FBN2: variants seen among roughly 807,000 people sequenced by gnomAD.
FBN2 encodes fibrillin-2.
Under a neutral mutation model 355.6 loss-of-function variants are expected in FBN2, and 105 were observed. That is an observed-to-expected ratio of 0.30 (90% confidence interval 0.25 to 0.35). The LOEUF (loss-of-function observed/expected upper bound fraction) is 0.35. Ranked by LOEUF, FBN2 falls within the 10% of genes least tolerant of loss-of-function variation. The pLI, the probability that FBN2 is intolerant of heterozygous loss-of-function variation, is 1.00. For synonymous variants in FBN2, 1,350 were observed against 1,301.2 expected (o/e 1.04, Z -0.81); for missense variants, 3,280 against 3,758.7 (o/e 0.87, Z 3.33).
chr5:128,394,265 TG>T (rs1247881322), intron 9 of FBN2, among the ~76,000 whole-genome samples: 5 of 152,206 alleles, frequency 3.3e-5, no homozygotes, highest in Non-Finnish European at 5.9e-5. Context: ...TATATCTTTA[TG>T]TGAGAAACAT....
At chr5:128,458,073 C>T (rs1486173824) in intron 6 of FBN2, among the ~76,000 whole-genome samples, 3 of 152,018 alleles carry the variant, frequency 2.0e-5, no homozygotes, top group Non-Finnish European at 2.9e-5. Flanking sequence ...TAAGGAAACC[C>T]GTCTTACATG....
chr5:128,283,484 C>T lies in FBN2; in HGVS notation c.7013-3167G>A, dbSNP rs76116247. ...CCACTTTAGTTCTCAGGACATCACA[C>T]GGACATGGAGAACTTCCTATCTTGC... On this transcript the variant is annotated intron_variant, in intron 55 of 64. Transcript: ENST00000262464. 3.9e-4 allele frequency among the ~76,000 whole-genome samples: 59 copies of T among 152,304 alleles called. No homozygotes were observed. The East Asian group carries it at 6.4e-3, about 16-fold the overall frequency.
At chr5:128,265,290 C>T (rs2126797416) in intron 62 of FBN2, among the ~76,000 whole-genome samples, 1 of 152,134 alleles carries the variant, frequency 6.6e-6, no homozygotes. Context: ...CATGAATATA[C>T]CATTAGACAT....
rs1396887434 is a variant in FBN2, at chr5:128,319,475, T to A, written c.4472-474A>T. Among the ~76,000 whole-genome samples the A allele has an allele frequency of 2.6e-5, 4 of 151,276 alleles. No individual in the cohort carries two copies. In the East Asian group the frequency reaches 7.7e-4, roughly 29 times the overall value. On this transcript the variant is annotated intron_variant, in intron 34 of 64. Coordinates refer to ENST00000262464, the MANE Select transcript of FBN2 (RefSeq NM_001999.4). ...GGAGATATTAAAATTAACTTTTTAG[T>A]TAATTTAGTTAATTAAATAAATTTA...
chr5:128,399,872 T>C (rs1429013338), intron 8 of FBN2, among the ~76,000 whole-genome samples: 1 of 151,718 alleles, frequency 6.6e-6, no homozygotes, highest in Non-Finnish European at 1.5e-5. Flanking sequence ...GGGGGGATCC[T>C]GAACAAATCT....
chr5:128,479,284 A>C (rs1755090166), intron 5 of FBN2, among the ~76,000 whole-genome samples: 1 of 152,194 alleles, frequency 6.6e-6, no homozygotes, highest in Admixed American at 6.6e-5. Context: ...CTAAAATCTC[A>C]CGTCTTATAA....
rs1750790386 is a variant in FBN2, at chr5:128,334,748, G to A, written c.4070C>T (p.Ser1357Leu). ...ACATCCTGTGGTCCCCTTCTTCACT[G>A]AGTAACCCAGCTGACAGTGGCAAAT... ...SFICHCQLGY[S>L]VKKGTTGCTD... The change falls in exon 31 of 65, where the codon TCA becomes TTA. Residue 1357 changes from serine to leucine, a missense_variant. By Grantham distance (145) the Ser-to-Leu change is moderately radical (BLOSUM62 -2). This residue lies in a region of FBN2 where 2,284 missense variants were observed against 2,749.5 expected (regional missense o/e 0.83). Coordinates refer to ENST00000262464, the MANE Select transcript of FBN2 (RefSeq NM_001999.4). 6.2e-7 allele frequency: 1 copy of A among 1,614,102 alleles called. No individual in the cohort carries two copies. Among genetic ancestry groups the A allele is most frequent in the Non-Finnish European group, 8.5e-7 (1 of 1,179,930 alleles).
intron 11 of FBN2, among the ~76,000 whole-genome samples, chr5:128,389,674 T>A (rs1483904343): frequency 6.6e-6 from 1 of 152,160 alleles, no homozygotes; most frequent in Non-Finnish European, 1.5e-5. Context: ...CTGCCCCCTA[T>A]CCAAGCAGCT....
In FBN2 at chr5:128,289,213, T is replaced by A. The variant is rs149071226; in HGVS notation, c.6551A>T (p.Asn2184Ile). ...TCCGTCGGTGTTGATACATTGACCA[T>A]TTGAACAAATGCCTGGGCTCTCAAG... ...ECLESPGICSNGQCINTDGSF... is the reference protein window; with the variant it reads ...ECLESPGICSIGQCINTDGSF... The change falls in exon 52 of 65, where the codon AAT becomes ATT. Residue 2184 changes from asparagine to isoleucine, a missense_variant. Transcript: ENST00000262464. 3.2e-4 allele frequency: 523 copies of A among 1,613,848 alleles called. 1 individual carries two copies. The African/African-American group carries it at 5.4e-3, about 17-fold the overall frequency.
intron 36 of FBN2, among the ~76,000 whole-genome samples, 164 bp from the exon 37 acceptor site, chr5:128,312,959 G>A (rs781530066): frequency 2.1e-4 from 32 of 152,100 alleles, no homozygotes; most frequent in African/African-American, 7.0e-4. Context: ...CAGCTTTTTC[G>A]AGATTGAGTC....
chr5:128,530,005 T>C (rs1756660897), intron 3 of FBN2, among the ~76,000 whole-genome samples: 1 of 152,200 alleles, frequency 6.6e-6, no homozygotes, highest in Admixed American at 6.5e-5. Context: ...GAGGCAAGAC[T>C]TAAGAAAGCA....
At position 128,374,668 on chromosome 5, in the gene FBN2, G is replaced by C. The variant is rs763174325; in HGVS notation, c.2055C>G (p.Pro685=). ...NSEGSFRCDC[P]PGLAVGMDGR... is the part of the protein sequence containing the mutation. ...CATCCATGCCCACAGCCAGGCCTGG[G>C]GGACAGTCACAGCGGAAGGACCCTT... is the stretch of plus-strand genomic sequence containing the variant. Residue 685 remains proline, a synonymous_variant, in exon 15 of 65, where the codon CCC becomes CCG. Coordinates refer to ENST00000262464, the MANE Select transcript of FBN2 (RefSeq NM_001999.4). 1.2e-6 allele frequency: 2 copies of C among 1,613,926 alleles called. No homozygotes were observed. The highest frequency in any genetic ancestry group is 3.3e-5 in the Admixed American group (2 of 59,986).
chr5:128,263,362 G>A (rs1765025944), intron 63 of FBN2, 63 bp downstream of exon 63: 2 of 1,223,844 alleles, frequency 1.6e-6, no homozygotes, highest in African/African-American at 1.5e-5. Flanking sequence ...GCAGTGGGGG[G>A]TGGCCTGAAC....
rs758175639 is a variant in FBN2 at position 128,349,985 on chromosome 5, G to A, written c.2833C>T (p.Leu945Phe). ...CELDTACPRG[L>F]ARIKGVTCED... The stretch of plus-strand genomic sequence containing the variant: ...CACGTAACACCTTTAATCCTGGCAA[G>A]CCCTCTTGGGCAAGCTGTATCTGTA... The change falls in exon 22 of 65, where the codon CTT becomes TTT. Residue 945 changes from leucine to phenylalanine, a missense_variant. This residue lies in a region of FBN2 where 2,284 missense variants were observed against 2,749.5 expected (regional missense o/e 0.83). Coordinates refer to ENST00000262464, the MANE Select transcript of FBN2 (RefSeq NM_001999.4). 6.8e-6 allele frequency: 11 copies of A among 1,613,864 alleles called. No individual in the cohort carries two copies. The South Asian group carries it at 1.1e-4, about 16-fold the overall frequency.
chr5:128,335,045 T>C, intron 30 of FBN2, 125 bp downstream of exon 30: 1 of 1,396,130 alleles, frequency 7.2e-7, no homozygotes, highest in Non-Finnish European at 1.0e-6. Flanking sequence ...TTTACAGTTC[T>C]AGTAAAATGA....
chr5:128,333,644 GA>G (rs1257651791), intron 31 of FBN2, among the ~76,000 whole-genome samples: 1 of 151,760 alleles, frequency 6.6e-6, no homozygotes, highest in Non-Finnish European at 1.5e-5. Flanking sequence ...ATGTTATCTG[GA>G]AAGTAGCCAG....
At chr5:128,394,264 A>T (rs1752591605) in intron 9 of FBN2, among the ~76,000 whole-genome samples, 1 of 152,178 alleles carries the variant, frequency 6.6e-6, no homozygotes, top group Admixed American at 6.5e-5. Flanking sequence ...ATATATCTTT[A>T]TGTGAGAAAC....
At chr5:128,363,186 T>C (rs2126938793) in intron 18 of FBN2, among the ~76,000 whole-genome samples, 1 of 152,006 alleles carries the variant, frequency 6.6e-6, no homozygotes, top group East Asian at 1.9e-4. Flanking sequence ...TCCCTTCCCT[T>C]CCTTTTCTCT....
chr5:128,365,697 A>G (rs963628963), intron 17 of FBN2, among the ~76,000 whole-genome samples: 3 of 150,196 alleles, frequency 2.0e-5, no homozygotes, highest in Non-Finnish European at 4.4e-5. Context: ...CTCTTCATAT[A>G]TACATATTCA....
Sources: allele counts gnomAD v4.1 joint callset (sites outside exome capture counted in the v4.1 genomes callset), GRCh38; gene constraint gnomAD v4.1.1; regional missense constraint gnomAD v4.1.1; transcripts MANE v1.5; gene names NCBI Gene and HGNC (gene_info 2026-07-23, HGNC 2026-07-21).